The following TJP1 variants were observed in gnomAD, a reference collection of about 807,000 sequenced individuals.
The protein encoded by TJP1 is tight junction protein ZO-1.
TJP1 carries 43 observed loss-of-function variants against 194.2 expected under a neutral mutation model. The observed-to-expected ratio is 0.22, with a 90% CI of 0.17 to 0.29. TJP1 has a LOEUF of 0.29. Ranked by LOEUF, TJP1 falls within the 10% of genes least tolerant of loss-of-function variation. The probability of loss-of-function intolerance (pLI) is 1.00; values close to 1 mark genes in which losing one functional copy is unlikely to be tolerated. For missense variants in TJP1, 1,971 were observed against 2,185.7 expected, an observed-to-expected ratio of 0.90 and a Z score of 1.96; for synonymous variants, 801 against 779.0, an observed-to-expected ratio of 1.03 and a Z score of -0.47.
At chr15:29,719,223 C>T (rs11073215) in intron 20 of TJP1, 85 bp from the exon 21 acceptor site, 1,299,365 of 1,336,154 alleles carry the variant, frequency 0.97, 632,433 homozygotes, top group East Asian at 1. Context: ...TATTAAACTA[C>T]GATTTAATAT....
chr15:29,788,638 C>G (rs1200384884), intron 2 of TJP1, among the ~76,000 whole-genome samples: 1 of 152,162 alleles, frequency 6.6e-6, no homozygotes, highest in African/African-American at 2.4e-5. Context: ...TTTAAACACT[C>G]ACTGGCTCAC....
At chr15:29,846,714 A>G (rs2051424530) in intron 2 of TJP1, among the ~76,000 whole-genome samples, 2 of 152,106 alleles carry the variant, frequency 1.3e-5, no homozygotes, top group African/African-American at 4.8e-5. Context: ...TCACGAGGTC[A>G]GGAGATCGAG....
intron 2 of TJP1, among the ~76,000 whole-genome samples, chr15:29,849,051 T>C (rs2051532113): frequency 1.3e-5 from 2 of 152,126 alleles, no homozygotes; most frequent in African/African-American, 4.8e-5. Flanking sequence ...CTGAAACATA[T>C]CTTATAAACA....
At chr15:29,931,834 G>A (rs2054724448) in intron 2 of TJP1, among the ~76,000 whole-genome samples, 1 of 152,202 alleles carries the variant, frequency 6.6e-6, no homozygotes, top group African/African-American at 2.4e-5. Context: ...AGCCCCAAGG[G>A]CTGCTGGTTG....
At chr15:29,900,925 T>G (rs1300645994) in intron 2 of TJP1, among the ~76,000 whole-genome samples, 1 of 152,066 alleles carries the variant, frequency 6.6e-6, no homozygotes, top group East Asian at 1.9e-4. Context: ...AGTAGAAGAT[T>G]CAGATGTCAG....
chr15:29,709,177 C>T (rs2042089866), intron 24 of TJP1, 141 bp from the exon 25 acceptor site: 3 of 755,888 alleles, frequency 4.0e-6, no homozygotes, highest in Non-Finnish European at 6.4e-6. Context: ...GCCCTGGAGG[C>T]TAGGTGTGAT....
chr15:29,933,088 A>G (rs2054771818), intron 2 of TJP1, among the ~76,000 whole-genome samples: 1 of 152,192 alleles, frequency 6.6e-6, no homozygotes, highest in African/African-American at 2.4e-5. Flanking sequence ...CATGCATCAC[A>G]CACACACATT....
At chr15:29,871,913 C>A (rs2052538756) in intron 2 of TJP1, among the ~76,000 whole-genome samples, 1 of 152,158 alleles carries the variant, frequency 6.6e-6, no homozygotes. Flanking sequence ...AGTTACTAAA[C>A]AATTACAGAG....
At chr15:29,883,422 T>C (rs1253381564) in intron 2 of TJP1, among the ~76,000 whole-genome samples, 2 of 152,214 alleles carry the variant, frequency 1.3e-5, no homozygotes, top group African/African-American at 2.4e-5. Context: ...AAATAACTTA[T>C]ATTTGCTCCT....
chr15:29,700,799 C>A lies in TJP1; in HGVS notation c.*796G>T. Reference sequence around the variant, plus strand: ...ACCACTATTTTCTTCTGGGTGATAACACATTTCTGAAACCACCAAATGCAC... The same window carrying A: ...ACCACTATTTTCTTCTGGGTGATAAAACATTTCTGAAACCACCAAATGCAC... On this transcript the variant is annotated 3_prime_UTR_variant, in exon 28 of 28. Transcript: ENST00000614355. The A allele has an allele frequency of 5.4e-6, 1 of 186,444 alleles. No individual in the cohort carries two copies. Among genetic ancestry groups the A allele is most frequent in the Non-Finnish European group, 1.1e-5 (1 of 91,622 alleles). 11.5% of individuals were successfully genotyped at this position (186,444 alleles called of 1,614,324 possible).
At chr15:29,882,138 C>G (rs562270192) in intron 2 of TJP1, among the ~76,000 whole-genome samples, 1 of 152,272 alleles carries the variant, frequency 6.6e-6, no homozygotes, top group African/African-American at 2.4e-5. Context: ...GTCCTCACAT[C>G]AACCCCAGCC....
chr15:29,874,580 T>C (rs576850361), intron 2 of TJP1, among the ~76,000 whole-genome samples: 2 of 152,304 alleles, frequency 1.3e-5, no homozygotes, highest in South Asian at 2.1e-4. Flanking sequence ...TCTGAGCTGA[T>C]AAAATGGTAT....
chr15:29,894,986 C>T (rs1490133727), intron 2 of TJP1, among the ~76,000 whole-genome samples: 2 of 152,220 alleles, frequency 1.3e-5, no homozygotes, highest in Non-Finnish European at 2.9e-5. Flanking sequence ...GTGCAGCAAG[C>T]ACAGGGGTCC....
chr15:29,939,703 T>C lies in TJP1; in HGVS notation c.306+16529A>G, dbSNP rs536148856. Among the ~76,000 whole-genome samples the C allele has an allele frequency of 3.3e-5, 5 of 152,280 alleles. 1 individual carries two copies. The South Asian group carries it at 1.0e-3, about 32-fold the overall frequency. On this transcript the variant is annotated intron_variant, in intron 2 of 28. Coordinates refer to the TJP1 transcript ENST00000356107. ...GTGATGGTATTAGGAGGTGGGGCCT[T>C]TGGGAGGTGATTAGGTGCTGGGCTG... is the stretch of plus-strand genomic sequence containing the variant.
chr15:29,816,617 T>C (rs1428187357), intron 1 of TJP1, among the ~76,000 whole-genome samples: 2 of 152,188 alleles, frequency 1.3e-5, no homozygotes, highest in Non-Finnish European at 2.9e-5. Context: ...TAAAACAGTA[T>C]GAAGCAAGTA....
At chr15:29,704,916 G>A (rs997840826) in intron 26 of TJP1, among the ~76,000 whole-genome samples, 14 of 152,320 alleles carry the variant, frequency 9.2e-5, no homozygotes, top group African/African-American at 2.9e-4. Context: ...ACAAAAAAGC[G>A]AACTAAATTT....
At chr15:29,878,607 G>A (rs941449047) in intron 2 of TJP1, among the ~76,000 whole-genome samples, 43 of 151,650 alleles carry the variant, frequency 2.8e-4, no homozygotes, top group Admixed American at 4.6e-4. Flanking sequence ...AAAAAAAAAA[G>A]GAGCCTCCGG....
intron 15 of TJP1, 118 bp from the exon 16 acceptor site, chr15:29,728,137 T>A: frequency 1.3e-6 from 1 of 755,174 alleles, no homozygotes; most frequent in East Asian, 2.6e-5. Context: ...TTGTGGAAAC[T>A]GTCTTATGCA....
intron 1 of TJP1, among the ~76,000 whole-genome samples, chr15:29,810,756 G>C (rs1292635146): frequency 2.0e-5 from 3 of 152,174 alleles, no homozygotes; most frequent in African/African-American, 7.2e-5. Context: ...GAGGAGAAGA[G>C]ACAGCTATGA....
Sources: gnomAD v4.1 joint callset for allele counts (sites outside exome capture counted in the v4.1 genomes callset) on GRCh38, gnomAD v4.1.1 for gene constraint, MANE v1.5 for transcripts, NCBI Gene and HGNC (gene_info 2026-07-23, HGNC 2026-07-21) for gene names.